Variants in PIN4 observed in about 807,000 individuals in gnomAD.
The protein encoded by PIN4 is peptidylprolyl cis/trans isomerase, NIMA-interacting 4, also known as peptidyl-prolyl cis-trans isomerase NIMA-interacting 4.
A neutral mutation model predicts 8.3 loss-of-function variants in PIN4; 3 were observed. The observed-to-expected ratio is 0.36, with a 90% CI of 0.16 to 0.93. The LOEUF (loss-of-function observed/expected upper bound fraction) is 0.93. Ranked by LOEUF, PIN4 falls within the 40% of genes least tolerant of loss-of-function variation. The probability of loss-of-function intolerance (pLI) is 0.44; values close to 1 mark genes in which losing one functional copy is unlikely to be tolerated. For missense variants in PIN4, 75 were observed against 100.6 expected (o/e 0.75, Z 1.09); for synonymous variants, 18 against 32.5 (o/e 0.55, Z 1.52).
At chrX:72,221,383 G>A (rs1020228468) in intron 3 of PIN4, among the ~76,000 whole-genome samples, 2 of 111,606 alleles carry the variant, frequency 1.8e-5, no homozygotes, top group Non-Finnish European at 3.8e-5. Context: ...AGAAATCTTG[G>A]GGATGCCCAG....
At chrX:72,184,266 G>A (rs2042687567) in intron 1 of PIN4, among the ~76,000 whole-genome samples, 1 of 111,840 alleles carries the variant, frequency 8.9e-6, no homozygotes, top group Non-Finnish European at 1.9e-5. Context: ...CTAGGTGAAT[G>A]TAGCAGGACG....
At chrX:72,189,364 C>T (rs2042720474) in intron 2 of PIN4, among the ~76,000 whole-genome samples, 1 of 110,900 alleles carries the variant, frequency 9.0e-6, no homozygotes, top group Admixed American at 9.7e-5. Flanking sequence ...CCTGCCCCAC[C>T]TCTGCCCTCT....
At chrX:72,189,499 G>C (rs1329398641) in intron 2 of PIN4, among the ~76,000 whole-genome samples, 4 of 111,785 alleles carry the variant, frequency 3.6e-5, no homozygotes, top group African/African-American at 9.8e-5. Context: ...AGTATAATTC[G>C]CTGGAGATTT....
intron 3 of PIN4, chrX:72,206,001 T>C: frequency 8.3e-7 from 1 of 1,212,053 alleles, no homozygotes; most frequent in African/African-American, 1.7e-5. Context: ...TATGGGATGC[T>C]GAAAGGTCAT....
intron 1 of PIN4, among the ~76,000 whole-genome samples, chrX:72,185,147 C>CAAAAAAAAAAAAAAAAAAA (rs746215043): frequency 4.1e-5 from 1 of 24,449 alleles, no homozygotes; most frequent in Non-Finnish European, 7.8e-5. Flanking sequence ...GACTCCGTCT[C>CAAAAAAAAAAAAAAAAAAA]AAAAAAAAAA....
intron 3 of PIN4, chrX:72,205,302 G>T: frequency 8.3e-7 from 1 of 1,211,990 alleles, no homozygotes; most frequent in African/African-American, 1.7e-5. Context: ...AGCTGGACTT[G>T]TTTTCTGAAG....
intron 2 of PIN4, among the ~76,000 whole-genome samples, chrX:72,187,359 G>A (rs1356085838): frequency 8.9e-6 from 1 of 112,192 alleles, no homozygotes; most frequent in Non-Finnish European, 1.9e-5. Context: ...TAAGTGCTAT[G>A]TAACAAGGCA....
In PIN4 at chrX:72,216,807, T is replaced by C. The variant is rs1372392602; in HGVS notation, c.312+19903T>C. Among the ~76,000 whole-genome samples the C allele has an allele frequency of 6.3e-5, 7 of 111,351 alleles. No individual in the cohort carries two copies. In the East Asian group the frequency reaches 2.0e-3, roughly 31 times the overall value. On this transcript the variant is annotated intron_variant, in intron 3 of 3. Coordinates refer to the PIN4 transcript ENST00000423432. ...GTTTGGCAAGGTTAACCAGATAACC[T>C]TGGGCTAGAAGATTAAGGAGCTGGA...
chrX:72,246,263 C>G (rs1201878769), intron 3 of PIN4, among the ~76,000 whole-genome samples: 1 of 111,579 alleles, frequency 9.0e-6, no homozygotes, highest in Non-Finnish European at 1.9e-5. Context: ...ATCAGTGAGT[C>G]GTGTTGGCTC....
intron 3 of PIN4, chrX:72,208,596 C>T (rs1157786761): frequency 8.3e-7 from 1 of 1,211,314 alleles, no homozygotes; most frequent in Admixed American, 2.2e-5. Context: ...GGATTCTGCT[C>T]AGCACTTTTT....
downstream of PIN4, among the ~76,000 whole-genome samples, chrX:72,200,223 A>G (rs368309297): frequency 5.4e-5 from 6 of 111,834 alleles, no homozygotes; most frequent in African/African-American, 1.9e-4. Flanking sequence ...ATTTATATAC[A>G]TTATAGCATA....
At chrX:72,257,419 G>C (rs1478055423) in intron 3 of PIN4, among the ~76,000 whole-genome samples, 2 of 111,086 alleles carry the variant, frequency 1.8e-5, no homozygotes, top group African/African-American at 6.6e-5. Flanking sequence ...GTGTGGGGCC[G>C]GGGGGAGGGC....
intron 3 of PIN4, among the ~76,000 whole-genome samples, chrX:72,221,670 T>A (rs2042924190): frequency 9.0e-6 from 1 of 111,283 alleles, no homozygotes. Context: ...AGCCGATGGT[T>A]GGAAAATGTC....
At chrX:72,203,063 G>C (rs2042796803), downstream of PIN4, among the ~76,000 whole-genome samples, 1 of 111,525 alleles carries the variant, frequency 9.0e-6, no homozygotes, top group Admixed American at 9.5e-5. Flanking sequence ...GCAGAGGGGA[G>C]AGGGGCTGAA....
intron 1 of PIN4, among the ~76,000 whole-genome samples, chrX:72,182,586 A>C (rs1462187207): frequency 9.0e-6 from 1 of 110,950 alleles, no homozygotes; most frequent in East Asian, 2.8e-4. Flanking sequence ...CTCCCGAAGT[A>C]GTGAGGAAGA....
rs144179196 is a variant in PIN4, at chrX:72,263,858, T to C, written c.*1062T>C. ...GTTCCTACCAGCTCCCAAGGGCTAA[T>C]TGTTAAACTTTCAGGAATTTTCTCA... is the stretch of plus-strand genomic sequence containing the variant. On this transcript the variant is annotated 3_prime_UTR_variant, in exon 4 of 4. Coordinates refer to the PIN4 transcript ENST00000423432. 4.7e-3 allele frequency: 530 copies of C among 111,692 alleles called. 3 individuals are homozygous for C. Among genetic ancestry groups the C allele is most frequent in the Non-Finnish European group, 8.1e-3 (432 of 53,152 alleles). 9.2% of individuals were successfully genotyped at this position (111,692 alleles called of 1,213,427 possible). A position where few individuals can be genotyped will look rare whatever the true frequency, so the allele number is the denominator to read the frequency against.
chrX:72,256,767 T>C (rs1013151120), intron 3 of PIN4, among the ~76,000 whole-genome samples: 1 of 111,954 alleles, frequency 8.9e-6, no homozygotes, highest in Non-Finnish European at 1.9e-5. Context: ...TGAGAACGTA[T>C]GTTTTGAATG....
chrX:72,238,455 T>C (rs2043029901), intron 3 of PIN4, among the ~76,000 whole-genome samples: 1 of 111,823 alleles, frequency 8.9e-6, no homozygotes, highest in Non-Finnish European at 1.9e-5. Flanking sequence ...TAGTAATTAT[T>C]GCTTTACAGA....
chrX:72,214,707 C>T (rs2042877979), intron 3 of PIN4, among the ~76,000 whole-genome samples: 1 of 103,276 alleles, frequency 9.7e-6, no homozygotes, highest in Admixed American at 1.1e-4. Context: ...AAAGTTTAGG[C>T]CAGGCACGGT....
Sources: gnomAD v4.1 joint callset for allele counts (sites outside exome capture counted in the v4.1 genomes callset) on GRCh38, gnomAD v4.1.1 for gene constraint, MANE v1.5 for transcripts, NCBI Gene and HGNC (gene_info 2026-07-23, HGNC 2026-07-21) for gene names.